TNR: variants seen among roughly 807,000 people sequenced by gnomAD.
TNR encodes tenascin R, also known as tenascin-R.
A neutral mutation model predicts 150.4 loss-of-function variants in TNR; 45 were observed. That is an observed-to-expected ratio of 0.30 (90% confidence interval 0.24 to 0.38). The LOEUF (loss-of-function observed/expected upper bound fraction) is 0.38, where lower values mean the gene tolerates loss of function less well. Among genes scored for constraint, TNR ranks in the 10% least tolerant of loss-of-function variants. The pLI is 1.00. For missense variants in TNR, 1,544 were observed against 1,759.1 expected (o/e 0.88, Z 2.19); for synonymous variants, 687 against 678.4 (o/e 1.01, Z -0.20).
chr1:175,632,625 G>T (rs778056024), intron 1 of TNR, among the ~76,000 whole-genome samples: 13 of 152,030 alleles, frequency 8.6e-5, no homozygotes, highest in Non-Finnish European at 1.9e-4. Flanking sequence ...AATAAGTTTT[G>T]GTGTTAAAAA....
intron 1 of TNR, among the ~76,000 whole-genome samples, chr1:175,530,826 G>A (rs1032923425): frequency 1.2e-4 from 18 of 151,808 alleles, no homozygotes. Context: ...CATCCTTTTA[G>A]ACTTCCTTTC....
In TNR at chr1:175,599,050, G is replaced by C. The variant is rs766301737; in HGVS notation, c.-164-70681C>G. On this transcript the variant is annotated intron_variant, in intron 1 of 22. Coordinates refer to ENST00000367674, the MANE Select transcript of TNR (RefSeq NM_003285.3). The surrounding 1 kb of genome is among the most constrained non-coding windows in gnomAD (Gnocchi z 4.7). ...CTAAAGGGCTTCCCCAAGGTCACACGTTCAGTGACGGAGAGGCAGGGTGGA... is the reference window on the plus strand; with the variant it reads ...CTAAAGGGCTTCCCCAAGGTCACACCTTCAGTGACGGAGAGGCAGGGTGGA... Among the ~76,000 whole-genome samples, 1 of 152,186 alleles carries C rather than the reference G, an allele frequency of 6.6e-6. No individual in the cohort carries two copies. Among genetic ancestry groups the C allele is most frequent in the Non-Finnish European group, 1.5e-5 (1 of 68,020 alleles).
Position 175,353,868 on chromosome 1 carries a change from C to T in TNR, c.3382+523G>A, listed in dbSNP as rs147961142. On this transcript the variant is annotated intron_variant, in intron 18 of 22. Transcript: ENST00000367674. ...TTTTATTTATTTTTTTTTTTTGAGA[C>T]GGAGTCTCACTTTTTCACCCAGGCT... 3.7e-3 allele frequency among the ~76,000 whole-genome samples: 534 copies of T among 142,570 alleles called. 6 individuals are homozygous for T. The highest frequency in any genetic ancestry group is 0.014 in the African/African-American group (508 of 36,792). The allele number at this position is 142,570 out of a possible 152,430, so 93.5% of individuals were successfully genotyped here.
At chr1:175,631,463 A>G (rs1356109307) in intron 1 of TNR, among the ~76,000 whole-genome samples, 1 of 152,210 alleles carries the variant, frequency 6.6e-6, no homozygotes, top group Non-Finnish European at 1.5e-5. Context: ...TTCTTGAAAC[A>G]TTATGAGATT....
rs1305411090 is a variant in TNR, at chr1:175,318,614, A to G, written c.*4743T>C. 1 of 152,268 alleles carries G rather than the reference A, an allele frequency of 6.6e-6. No homozygotes were observed. Among genetic ancestry groups the G allele is most frequent in the East Asian group, 1.9e-4 (1 of 5,190 alleles). The allele number at this position is 152,268 out of a possible 1,614,324, so 9.4% of individuals were successfully genotyped here. A position where few individuals can be genotyped will look rare whatever the true frequency, so the allele number is the denominator to read the frequency against. On this transcript the variant is annotated 3_prime_UTR_variant, in exon 23 of 23. Transcript: ENST00000367674. ...TATCACATATGTGTAGGATTGGGTTATGGAAGAAGCAAAGGTTTGAGGAGG... is the reference window on the plus strand; with the variant it reads ...TATCACATATGTGTAGGATTGGGTTGTGGAAGAAGCAAAGGTTTGAGGAGG...
At chr1:175,417,974 ATGTCTTTTAG>A (rs1264495152) in intron 2 of TNR, among the ~76,000 whole-genome samples, 1 of 152,208 alleles carries the variant, frequency 6.6e-6, no homozygotes, top group Non-Finnish European at 1.5e-5. Flanking sequence ...TGTGTACATT[ATGTCTTTTAG>A]AGCATTAAAT....
intron 7 of TNR, among the ~76,000 whole-genome samples, chr1:175,389,634 G>C (rs1460904989): frequency 6.6e-6 from 1 of 152,292 alleles, no homozygotes; most frequent in South Asian, 2.1e-4. Flanking sequence ...ATTTCTGAAG[G>C]CTCCTTTGTC....
At chr1:175,681,876 A>G (rs1476134455) in intron 1 of TNR, among the ~76,000 whole-genome samples, 2 of 152,198 alleles carry the variant, frequency 1.3e-5, no homozygotes, top group Admixed American at 6.5e-5. Flanking sequence ...AGCTGGCTTC[A>G]TGCTCTCAGG....
intron 1 of TNR, among the ~76,000 whole-genome samples, chr1:175,688,974 G>A (rs1280461164): frequency 1.3e-5 from 2 of 152,338 alleles, no homozygotes; most frequent in African/African-American, 2.4e-5. Flanking sequence ...TTGTGCTCTG[G>A]GAATCCATAA....
In TNR at chr1:175,406,212, C is replaced by T; in HGVS notation, c.499+4G>A. 6.2e-7 allele frequency: 1 copy of T among 1,613,070 alleles called. No homozygotes were observed. Among genetic ancestry groups the T allele is most frequent in the Admixed American group, 1.7e-5 (1 of 59,984 alleles). On this transcript the variant is annotated splice_donor_region_variant and intron_variant, in intron 3 of 22. Coordinates refer to ENST00000367674, the MANE Select transcript of TNR (RefSeq NM_003285.3). Reference sequence around the variant, plus strand: ...AGACCACGCTGCGAGCTCCCGGACTCTACCTGTGGCAGCACTTTCTTGGCA... The same window carrying T: ...AGACCACGCTGCGAGCTCCCGGACTTTACCTGTGGCAGCACTTTCTTGGCA...
At chr1:175,542,839 G>A (rs571340100) in intron 1 of TNR, among the ~76,000 whole-genome samples, 21 of 151,928 alleles carry the variant, frequency 1.4e-4, no homozygotes, top group African/African-American at 3.4e-4. Flanking sequence ...TCTTTCCAAC[G>A]CTTTTGCCCA....
chr1:175,479,973 C>A (rs916694085), intron 2 of TNR, among the ~76,000 whole-genome samples: 1 of 152,042 alleles, frequency 6.6e-6, no homozygotes, highest in Non-Finnish European at 1.5e-5. Context: ...CTTCATGTTC[C>A]TCAGAAGGTG....
At chr1:175,418,218 C>G (rs533369363) in intron 2 of TNR, among the ~76,000 whole-genome samples, 4 of 152,110 alleles carry the variant, frequency 2.6e-5, no homozygotes, top group African/African-American at 9.6e-5. Flanking sequence ...CAGGCGACCC[C>G]CTGTGTGACT....
At chr1:175,551,783 A>G (rs1016045667) in intron 1 of TNR, among the ~76,000 whole-genome samples, 4 of 152,222 alleles carry the variant, frequency 2.6e-5, no homozygotes, top group African/African-American at 4.8e-5. Flanking sequence ...TAACAAAGGT[A>G]AAATAATGAA....
intron 2 of TNR, among the ~76,000 whole-genome samples, chr1:175,525,627 C>G (rs534763939): frequency 6.6e-6 from 1 of 152,314 alleles, no homozygotes; most frequent in African/African-American, 2.4e-5. Context: ...CAGCGATGCC[C>G]AAGCCCCGGG....
Position 175,319,691 on chromosome 1 carries a change from A to G in TNR, c.*3666T>C, listed in dbSNP as rs918341616. On this transcript the variant is annotated 3_prime_UTR_variant, in exon 23 of 23. Transcript: ENST00000367674. ...CATATGTTGTTGTTGTTCTTTTACA[A>G]ATCAATCTCCCATACAAATCAGCTG... 6.6e-6 allele frequency: 1 copy of G among 152,282 alleles called. No homozygotes were observed. Among genetic ancestry groups the G allele is most frequent in the Non-Finnish European group, 1.5e-5 (1 of 68,046 alleles). 9.4% of individuals were successfully genotyped at this position (152,282 alleles called of 1,614,324 possible). A position where few individuals can be genotyped will look rare whatever the true frequency, so the allele number is the denominator to read the frequency against.
chr1:175,600,446 T>C (rs1392480046), intron 1 of TNR, among the ~76,000 whole-genome samples: 4 of 152,212 alleles, frequency 2.6e-5, no homozygotes, highest in African/African-American at 9.6e-5. Flanking sequence ...TCTATTTGAT[T>C]TAAAGGTGAT....
intron 1 of TNR, among the ~76,000 whole-genome samples, chr1:175,713,720 A>G (rs1667082540): frequency 1.3e-5 from 2 of 152,346 alleles, no homozygotes; most frequent in South Asian, 4.1e-4. Flanking sequence ...GAGAAGAGTG[A>G]CATTTCTCTG....
Position 175,584,173 on chromosome 1 carries a change from T to C in TNR, c.-164-55804A>G, listed in dbSNP as rs79020287. 9.2e-3 allele frequency among the ~76,000 whole-genome samples: 1,398 copies of C among 152,244 alleles called. 24 individuals are homozygous for C. The highest frequency in any genetic ancestry group is 0.031 in the African/African-American group (1,274 of 41,550). Reference sequence around the variant, plus strand: ...CAGGATTTTAACAGAGGTAACCCAATTAAAATGAGGTAATTGGGGTAGGCC... The same window carrying C: ...CAGGATTTTAACAGAGGTAACCCAACTAAAATGAGGTAATTGGGGTAGGCC... On this transcript the variant is annotated intron_variant, in intron 1 of 22. Coordinates refer to ENST00000367674, the MANE Select transcript of TNR (RefSeq NM_003285.3).
Sources: gnomAD v4.1 joint callset for allele counts (sites outside exome capture counted in the v4.1 genomes callset) on GRCh38, gnomAD v4.1.1 for gene constraint, Gnocchi (gnomAD v3.1) non-coding constraint, MANE v1.5 for transcripts, NCBI Gene and HGNC (gene_info 2026-07-23, HGNC 2026-07-21) for gene names.